ETFA: variants seen among roughly 807,000 people sequenced by gnomAD.
ETFA encodes the protein electron transfer flavoprotein subunit alpha, mitochondrial.
Under a neutral mutation model 46.2 loss-of-function variants are expected in ETFA, and 22 were observed. The observed-to-expected ratio is 0.48, with a 90% CI of 0.34 to 0.68. The LOEUF is 0.68. Among genes scored for constraint, ETFA ranks in the 30% least tolerant of loss-of-function variants. ETFA has a pLI of 0.01. For synonymous variants in ETFA, 131 were observed against 139.9 expected (o/e 0.94, Z 0.45); for missense variants, 345 against 401.1 (o/e 0.86, Z 1.19).
intron 1 of ETFA, among the ~76,000 whole-genome samples, chr15:76,307,949 T>A (rs992476587): frequency 5.3e-5 from 8 of 152,194 alleles, no homozygotes; most frequent in Non-Finnish European, 7.3e-5. Flanking sequence ...ATTTTTTTTT[T>A]AATTTCAAGA....
chr15:76,252,536 G>A (rs1251598559), intron 9 of ETFA, among the ~76,000 whole-genome samples: 1 of 152,198 alleles, frequency 6.6e-6, no homozygotes, highest in Admixed American at 6.5e-5. Context: ...TCACTCTGAG[G>A]CCCAAGTGCA....
chr15:76,293,522 T>C (rs1368363696), intron 2 of ETFA, among the ~76,000 whole-genome samples: 1 of 152,258 alleles, frequency 6.6e-6, no homozygotes, highest in Non-Finnish European at 1.5e-5. Flanking sequence ...AATGGGGTTC[T>C]GAGAAAGCTT....
intron 10 of ETFA, chr15:76,227,851 G>A (rs1440753664): frequency 1.1e-5 from 5 of 455,958 alleles, no homozygotes; most frequent in Non-Finnish European, 2.2e-5. Context: ...GAGATGTGCA[G>A]AAGATGCCAG....
intron 9 of ETFA, among the ~76,000 whole-genome samples, chr15:76,237,698 GATC>G (rs971849875): frequency 4.0e-4 from 61 of 152,260 alleles, no homozygotes; most frequent in Non-Finnish European, 4.6e-4. Flanking sequence ...TTTCTAAAAT[GATC>G]ATCAAATCTC....
At chr15:76,282,497 A>G (rs1253471077) in intron 8 of ETFA, among the ~76,000 whole-genome samples, 1 of 152,226 alleles carries the variant, frequency 6.6e-6, no homozygotes, top group Non-Finnish European at 1.5e-5. Flanking sequence ...ATAAACTAAT[A>G]GCACCTAAAA....
intron 8 of ETFA, among the ~76,000 whole-genome samples, chr15:76,275,439 T>A (rs2039581527): frequency 6.6e-6 from 1 of 152,224 alleles, no homozygotes; most frequent in Non-Finnish European, 1.5e-5. Flanking sequence ...TCAATTAGCA[T>A]CACCATGGTA....
intron 9 of ETFA, among the ~76,000 whole-genome samples, chr15:76,233,357 TCTCA>T (rs1202045925): frequency 8.4e-6 from 1 of 119,552 alleles, no homozygotes; most frequent in Non-Finnish European, 1.6e-5. Flanking sequence ...TGAGATGGAG[TCTCA>T]CTCTGTCACC....
At chr15:76,226,079 G>A (rs2039001168) in intron 10 of ETFA, 150 bp from the exon 11 acceptor site, 1 of 612,008 alleles carries the variant, frequency 1.6e-6, no homozygotes, top group African/African-American at 1.9e-5. Context: ...AAATTTATTA[G>A]AAATTTCCAG....
intron 1 of ETFA, among the ~76,000 whole-genome samples, chr15:76,299,614 G>GC (rs1468947869): frequency 6.6e-5 from 10 of 151,998 alleles, no homozygotes; most frequent in African/African-American, 2.2e-4. Context: ...AACACATTCT[G>GC]CCCCCTACTC....
At chr15:76,287,642 G>A (rs1010187661) in intron 5 of ETFA, 6 of 510,942 alleles carry the variant, frequency 1.2e-5, no homozygotes, top group Non-Finnish European at 2.1e-5. Context: ...AAACAGGCAG[G>A]AAATCTCTGT....
At chr15:76,277,844 C>G (rs967427773) in intron 8 of ETFA, among the ~76,000 whole-genome samples, 1 of 152,170 alleles carries the variant, frequency 6.6e-6, no homozygotes, top group African/African-American at 2.4e-5. Flanking sequence ...AATTCATCAA[C>G]AAGACTTCAA....
In ETFA at chr15:76,226,874, G is replaced by A. The variant is rs565942170; in HGVS notation, c.883-945C>T. The stretch of plus-strand genomic sequence containing the variant: ...AGCCTGGGCGACAGAGTGAGACTCC[G>A]TCTCAAAAATAAATAAATAAATAAA... On this transcript the variant is annotated intron_variant, in intron 10 of 11. Transcript: ENST00000557943. 1.4e-4 allele frequency among the ~76,000 whole-genome samples: 22 copies of A among 152,132 alleles called. No individual in the cohort carries two copies. In the South Asian group the frequency reaches 3.5e-3, roughly 24 times the overall value.
At chr15:76,263,388 G>A (rs569753574) in intron 9 of ETFA, among the ~76,000 whole-genome samples, 24 of 152,352 alleles carry the variant, frequency 1.6e-4, no homozygotes, top group Non-Finnish European at 2.1e-4. Context: ...ATGTGAAAGC[G>A]GAGGATGCAT....
chr15:76,217,197 T>C (rs1402029291), intron 11 of ETFA, among the ~76,000 whole-genome samples: 2 of 152,142 alleles, frequency 1.3e-5, no homozygotes, highest in South Asian at 4.1e-4. Flanking sequence ...CTTGTCTGGG[T>C]GAAGAGTACT....
At chr15:76,279,284 T>TTTTA (rs1596215133) in intron 8 of ETFA, among the ~76,000 whole-genome samples, 1 of 152,192 alleles carries the variant, frequency 6.6e-6, no homozygotes, top group East Asian at 1.9e-4. Context: ...CCTTTTATTA[T>TTTTA]TTATTTTTTT....
Position 76,216,537 on chromosome 15 carries a change from CT to C in ETFA, c.*21del. 6.8e-7 allele frequency: 1 copy of C among 1,461,354 alleles called. No homozygotes were observed. The highest frequency in any genetic ancestry group is 9.6e-7 in the Non-Finnish European group (1 of 1,041,436). 90.5% of individuals were successfully genotyped at this position (1,461,354 alleles called of 1,614,324 possible). A position where few individuals can be genotyped will look rare whatever the true frequency, so the allele number is the denominator to read the frequency against. On this transcript the variant is annotated 3_prime_UTR_variant, in exon 12 of 12. Transcript: ENST00000557943. ...AGTGGAATACTTTAACAAAAGTTTT[CT>C]TTTTAAGGCATGATCCTGATTCATT...
intron 9 of ETFA, among the ~76,000 whole-genome samples, chr15:76,235,837 A>C (rs2039117014): frequency 6.6e-6 from 1 of 152,198 alleles, no homozygotes; most frequent in South Asian, 2.1e-4. Context: ...ACCTTCTGAC[A>C]AACAGGGGCC....
chr15:76,235,063 TCTGATAG>T (rs1168506757), intron 9 of ETFA, among the ~76,000 whole-genome samples: 1 of 152,162 alleles, frequency 6.6e-6, no homozygotes, highest in Non-Finnish European at 1.5e-5. Context: ...ACCTCTGCCA[TCTGATAG>T]CTGCATGACC....
intron 9 of ETFA, among the ~76,000 whole-genome samples, chr15:76,246,169 A>G (rs1435345225): frequency 6.6e-6 from 1 of 152,238 alleles, no homozygotes; most frequent in Non-Finnish European, 1.5e-5. Context: ...CCTGTTTTAC[A>G]TATTAATCTT....
Sources: gnomAD v4.1 joint callset for allele counts (sites outside exome capture counted in the v4.1 genomes callset) on GRCh38, gnomAD v4.1.1 for gene constraint, MANE v1.5 for transcripts, NCBI Gene and HGNC (gene_info 2026-07-23, HGNC 2026-07-21) for gene names.